CCDC3: variants seen among roughly 807,000 people sequenced by gnomAD.
CCDC3 encodes coiled-coil domain-containing protein 3.
Under a neutral mutation model 21.4 loss-of-function variants are expected in CCDC3, and 24 were observed. The ratio of observed to expected loss-of-function variants is 1.12; its 90% CI spans 0.81 to 1.58. CCDC3 has a LOEUF of 1.58. Ranked by LOEUF, CCDC3 falls within the 40% of genes most tolerant of loss-of-function variation. The pLI is 0.00. For synonymous variants in CCDC3, 186 were observed against 166.0 expected, an observed-to-expected ratio of 1.12 and a Z score of -0.93; for missense variants, 425 against 360.9, an observed-to-expected ratio of 1.18 and a Z score of -1.44.
chr10:13,037,158 C>A (rs11258147), intron 5 of CCDC3, among the ~76,000 whole-genome samples: 10,796 of 152,176 alleles, frequency 0.071, 471 homozygotes, highest in Middle Eastern at 0.15. Context: ...GTCATCCTTG[C>A]TACATTTTTA....
chr10:12,914,633 G>A (rs1031269616), intron 2 of CCDC3, among the ~76,000 whole-genome samples: 6 of 150,460 alleles, frequency 4.0e-5, no homozygotes, highest in African/African-American at 7.3e-5. Context: ...GTGTAGAGCC[G>A]GGATTTTGCT....
chr10:13,075,770 G>A (rs912126054), intron 3 of CCDC3, among the ~76,000 whole-genome samples: 5 of 152,114 alleles, frequency 3.3e-5, no homozygotes, highest in Admixed American at 2.6e-4. Flanking sequence ...GTAGGCGCAC[G>A]GGCATGGTGG....
intron 2 of CCDC3, among the ~76,000 whole-genome samples, chr10:12,983,128 GTGTATATATATATA>G (rs1183102458): frequency 0.014 from 1,646 of 117,798 alleles, 66 homozygotes; most frequent in African/African-American, 0.044. Context: ...AAATAAAATA[GTGTATATATATATA>G]TATATATATA....
At chr10:12,943,737 C>T (rs1834870562) in intron 2 of CCDC3, among the ~76,000 whole-genome samples, 1 of 152,182 alleles carries the variant, frequency 6.6e-6, no homozygotes, top group Non-Finnish European at 1.5e-5. Context: ...CACCGCCTCC[C>T]CAAGCTTGTC....
Position 13,060,799 on chromosome 10 carries a change from C to G in CCDC3, c.-269-10858G>C, listed in dbSNP as rs143738315. ...AGGATTACAGGTGTGAGCCACCACACCTAGGGTTCAAATTTTGTTTCTAAA... is the reference window on the plus strand; with the variant it reads ...AGGATTACAGGTGTGAGCCACCACAGCTAGGGTTCAAATTTTGTTTCTAAA... On this transcript the variant is annotated intron_variant, in intron 4 of 6. Coordinates refer to the CCDC3 transcript ENST00000378839. Among the ~76,000 whole-genome samples, 356 of 152,230 alleles carry G rather than the reference C, an allele frequency of 2.3e-3. 2 individuals carry two copies. The highest frequency in any genetic ancestry group is 7.1e-3 in the African/African-American group (296 of 41,528).
intron 4 of CCDC3, among the ~76,000 whole-genome samples, chr10:13,050,456 C>CTT (rs35126304): frequency 1.4e-3 from 141 of 98,498 alleles, no homozygotes; most frequent in Admixed American, 1.8e-3. Flanking sequence ...ATTATTTATT[C>CTT]TTTTTTTTTT....
intron 2 of CCDC3, among the ~76,000 whole-genome samples, chr10:12,975,517 GGC>G (rs1835404256): frequency 6.6e-6 from 1 of 152,090 alleles, no homozygotes; most frequent in African/African-American, 2.4e-5. Flanking sequence ...AGGAAGGATG[GGC>G]AAATCAATGC....
intron 2 of CCDC3, among the ~76,000 whole-genome samples, chr10:12,983,037 G>T (rs534230270): frequency 6.7e-6 from 1 of 149,354 alleles, no homozygotes; most frequent in Non-Finnish European, 1.5e-5. Flanking sequence ...GCTTAAACCC[G>T]GAAGGCGGAG....
intron 2 of CCDC3, among the ~76,000 whole-genome samples, chr10:12,969,158 AT>A (rs1386087042): frequency 1.3e-5 from 2 of 152,138 alleles, no homozygotes; most frequent in African/African-American, 4.8e-5. Context: ...CCAAATAGAC[AT>A]TTCTCTAAAG....
chr10:12,971,918 A>C (rs989413729), intron 2 of CCDC3, among the ~76,000 whole-genome samples: 1 of 151,670 alleles, frequency 6.6e-6, no homozygotes, highest in Non-Finnish European at 1.5e-5. Context: ...CAAACTCCTG[A>C]CCTCGTGATC....
intron 2 of CCDC3, among the ~76,000 whole-genome samples, chr10:12,970,770 C>T (rs1256832014): frequency 6.6e-6 from 1 of 151,960 alleles, no homozygotes; most frequent in Non-Finnish European, 1.5e-5. Flanking sequence ...CCTGAAATCC[C>T]AGCTACTCAG....
At chr10:12,904,338 G>A (rs990098131) in intron 2 of CCDC3, among the ~76,000 whole-genome samples, 3 of 151,792 alleles carry the variant, frequency 2.0e-5, no homozygotes, top group Non-Finnish European at 2.9e-5. Flanking sequence ...GCATAGTGGT[G>A]CACATCTGTG....
At chr10:13,068,271 T>C (rs565690037) in intron 4 of CCDC3, among the ~76,000 whole-genome samples, 32 of 152,198 alleles carry the variant, frequency 2.1e-4, no homozygotes, top group Non-Finnish European at 4.3e-4. Flanking sequence ...ATAATCCAAT[T>C]AGGAGATTGG....
intron 2 of CCDC3, chr10:13,098,640 G>A (rs943340294): frequency 6.7e-6 from 1 of 149,608 alleles, no homozygotes; most frequent in South Asian, 2.1e-4. Flanking sequence ...ATTAGAGATC[G>A]TCATTCCATT....
At chr10:12,994,113 A>G (rs1205132779) in intron 2 of CCDC3, among the ~76,000 whole-genome samples, 2 of 152,126 alleles carry the variant, frequency 1.3e-5, no homozygotes, top group African/African-American at 4.8e-5. Flanking sequence ...AACAGCATCT[A>G]GAGGTGGGGC....
chr10:13,056,625 A>G (rs1370450517), intron 4 of CCDC3, among the ~76,000 whole-genome samples: 1 of 152,252 alleles, frequency 6.6e-6, no homozygotes, highest in Non-Finnish European at 1.5e-5. Flanking sequence ...GGAAACAGAC[A>G]GCATCTTTCC....
At chr10:12,940,861 C>A (rs1232788410) in intron 2 of CCDC3, among the ~76,000 whole-genome samples, 6 of 152,186 alleles carry the variant, frequency 3.9e-5, no homozygotes, top group Non-Finnish European at 4.4e-5. Flanking sequence ...GTGGACTTGA[C>A]AAGGCTTACC....
intron 2 of CCDC3, among the ~76,000 whole-genome samples, chr10:12,907,634 ACT>A (rs1275727726): frequency 1.3e-5 from 2 of 151,380 alleles, no homozygotes; most frequent in Non-Finnish European, 3.0e-5. Flanking sequence ...ACAGAGCAAG[ACT>A]CTGTCTCAAA....
rs190733954 is a variant in CCDC3 at position 12,918,791 on chromosome 10, T to G, written c.550-20112A>C. Reference sequence around the variant, plus strand: ...CAAGTTGGCCGGGCACGGTGGCTCATGCCTGTAATCCCAGAACTTTGGGAG... The same window carrying G: ...CAAGTTGGCCGGGCACGGTGGCTCAGGCCTGTAATCCCAGAACTTTGGGAG... On this transcript the variant is annotated intron_variant, in intron 2 of 2. Coordinates refer to ENST00000378825, the MANE Select transcript of CCDC3 (RefSeq NM_031455.4). 1.7e-4 allele frequency among the ~76,000 whole-genome samples: 26 copies of G among 152,200 alleles called. 1 individual carries two copies. Among genetic ancestry groups the G allele is most frequent in the Admixed American group, 1.6e-3 (24 of 15,302 alleles).
Sources: allele counts gnomAD v4.1 joint callset (sites outside exome capture counted in the v4.1 genomes callset), GRCh38; gene constraint gnomAD v4.1.1; transcripts MANE v1.5; gene names NCBI Gene and HGNC (gene_info 2026-07-23, HGNC 2026-07-21).